COL27A1: variants seen among roughly 807,000 people sequenced by gnomAD.
COL27A1 encodes the protein collagen alpha-1(XXVII) chain.
COL27A1 carries 106 observed loss-of-function variants against 251.3 expected under a neutral mutation model. The ratio of observed to expected loss-of-function variants is 0.42; its 90% CI spans 0.36 to 0.50. The LOEUF is 0.50. COL27A1 is among the 20% of genes least tolerant of loss of function. COL27A1 has a pLI of 0.00. For missense variants in COL27A1, 2,325 were observed against 2,522.8 expected (o/e 0.92, Z 1.68); for synonymous variants, 1,000 against 986.3 (o/e 1.01, Z -0.26).
At chr9:114,264,289 C>T in intron 28 of COL27A1, 66 bp from the exon 29 acceptor site, 1 of 1,336,834 alleles carries the variant, frequency 7.5e-7, no homozygotes, top group Non-Finnish European at 1.0e-6. Flanking sequence ...CAGCCCCGCC[C>T]TCCTGGTTCT....
At chr9:114,163,870 G>A (rs572450548) in intron 2 of COL27A1, among the ~76,000 whole-genome samples, 3 of 148,240 alleles carry the variant, frequency 2.0e-5, no homozygotes, top group African/African-American at 7.3e-5. Context: ...GGGGCGGGGG[G>A]AGAGGCTGGA....
rs141097383 is a variant in COL27A1, at chr9:114,280,356, C to A, written c.3718-1921C>A. Reference sequence around the variant, plus strand: ...GTAGCTGGATTACAGGCGTGCACTACCATACCTGGCTAATTTTTGTATTTT... The same window carrying A: ...GTAGCTGGATTACAGGCGTGCACTAACATACCTGGCTAATTTTTGTATTTT... On this transcript the variant is annotated intron_variant, in intron 37 of 60. Transcript: ENST00000356083. Among the ~76,000 whole-genome samples the A allele has an allele frequency of 7.0e-3, 1,058 of 152,184 alleles. 18 individuals are homozygous for A. Among genetic ancestry groups the A allele is most frequent in the African/African-American group, 0.025 (1,022 of 41,512 alleles).
intron 49 of COL27A1, among the ~76,000 whole-genome samples, chr9:114,297,565 A>G (rs1377701170): frequency 6.6e-6 from 1 of 152,358 alleles, no homozygotes; most frequent in South Asian, 2.1e-4. Flanking sequence ...TAATAAAATA[A>G]AGGACAAACA....
At chr9:114,205,582 G>C (rs542348407) in intron 8 of COL27A1, among the ~76,000 whole-genome samples, 177 bp from the exon 9 acceptor site, 1 of 152,322 alleles carries the variant, frequency 6.6e-6, no homozygotes, top group South Asian at 2.1e-4. Context: ...GTCCCTCAGA[G>C]CTGGTCTGAC....
Position 114,167,953 on chromosome 9 carries a change from G to A in COL27A1, c.398G>A (p.Gly133Asp). ...KLQLGLQFLP[G>D]KTVVHLGSRR... ...CAGCTGGGCCTGCAGTTCCTCCCCG[G>A]CAAGACGGTCGTCCACCTCGGGTCC... Residue 133 changes from glycine to aspartate, a missense_variant, in exon 3 of 61, where the codon GGC (glycine) becomes GAC (aspartate). Physicochemically the swap from Gly to Asp is moderately conservative, Grantham distance 94 (BLOSUM62 -1). Coordinates refer to ENST00000356083, the MANE Select transcript of COL27A1 (RefSeq NM_032888.4). 1 of 1,608,566 alleles carries A rather than the reference G, an allele frequency of 6.2e-7. No homozygotes were observed. The highest frequency in any genetic ancestry group is 8.5e-7 in the Non-Finnish European group (1 of 1,179,856).
At chr9:114,218,032 AG>A (rs2135373896) in intron 12 of COL27A1, 2 of 355,158 alleles carry the variant, frequency 5.6e-6, no homozygotes, top group Non-Finnish European at 1.1e-5. Flanking sequence ...CAGGATCACT[AG>A]GAGGCAGAGG....
chr9:114,306,792 C>T, intron 58 of COL27A1, 104 bp downstream of exon 58: 1 of 1,267,250 alleles, frequency 7.9e-7, no homozygotes, highest in Non-Finnish European at 1.1e-6. Context: ...TTGTCCTCAG[C>T]AAGACAGATA....
At position 114,310,855 on chromosome 9, in the gene COL27A1, G is replaced by A. The variant is rs118173982; in HGVS notation, c.*160G>A. On this transcript the variant is annotated 3_prime_UTR_variant, in exon 61 of 61. Coordinates refer to ENST00000356083, the MANE Select transcript of COL27A1 (RefSeq NM_032888.4). ...GTCTGCCCAGTAGAAGTGGGTGGGGGTAGGAGGGGATAGGGTGTCCTTGGG... is the reference window on the plus strand; with the variant it reads ...GTCTGCCCAGTAGAAGTGGGTGGGGATAGGAGGGGATAGGGTGTCCTTGGG... 0.014 allele frequency: 9,410 copies of A among 661,282 alleles called. 274 individuals carry two copies. Among genetic ancestry groups the A allele is most frequent in the Admixed American group, 0.11 (3,669 of 33,790 alleles). 41.0% of individuals were successfully genotyped at this position (661,282 alleles called of 1,614,324 possible).
chr9:114,282,790 TCCTG>T (rs1205802623), intron 39 of COL27A1, among the ~76,000 whole-genome samples: 1 of 152,198 alleles, frequency 6.6e-6, no homozygotes, highest in Non-Finnish European at 1.5e-5. Context: ...ACAGAATACT[TCCTG>T]CAATTTGAAG....
intron 51 of COL27A1, among the ~76,000 whole-genome samples, 183 bp from the exon 52 acceptor site, chr9:114,300,889 G>A (rs973245760): frequency 2.6e-5 from 4 of 151,854 alleles, no homozygotes; most frequent in South Asian, 2.1e-4. Flanking sequence ...TGCCCCCATC[G>A]CCCCACTCTT....
chr9:114,274,480 A>G (rs1249721), intron 36 of COL27A1, among the ~76,000 whole-genome samples: 117,835 of 152,180 alleles, frequency 0.77, 46,382 homozygotes, highest in African/African-American at 0.92. Context: ...GACCAGCCTT[A>G]GAAAGCTTTT....
At chr9:114,219,917 C>A in intron 13 of COL27A1, 73 bp downstream of exon 13, 1 of 1,166,786 alleles carries the variant, frequency 8.6e-7, no homozygotes, top group Non-Finnish European at 1.3e-6. Context: ...GGAGCCCACG[C>A]TTTAGGGTCA....
intron 58 of COL27A1, chr9:114,307,375 G>A (rs1010213051): frequency 1.0e-4 from 34 of 338,850 alleles, no homozygotes; most frequent in Admixed American, 9.3e-4. Context: ...TTGTGCAAGT[G>A]ACCCAGCCTC....
chr9:114,238,935 C>T (rs7859297), intron 19 of COL27A1, among the ~76,000 whole-genome samples: 7,538 of 152,272 alleles, frequency 0.05, 605 homozygotes, highest in African/African-American at 0.17. Context: ...GTGGCTTCCT[C>T]AGGGTTGCTC....
intron 28 of COL27A1, among the ~76,000 whole-genome samples, chr9:114,261,367 G>A (rs1160795109): frequency 6.6e-6 from 1 of 152,364 alleles, no homozygotes; most frequent in African/African-American, 2.4e-5. Flanking sequence ...TCCAGCAGGC[G>A]GGGCGGGGGT....
chr9:114,282,218 C>A (rs1364411047), intron 37 of COL27A1, 59 bp from the exon 38 acceptor site: 10 of 1,516,608 alleles, frequency 6.6e-6, no homozygotes, highest in Non-Finnish European at 7.3e-6. Context: ...CTTGCGGATC[C>A]GCCTCAGTTT....
At chr9:114,250,038 G>C (rs1015676510) in intron 24 of COL27A1, among the ~76,000 whole-genome samples, 1 of 152,226 alleles carries the variant, frequency 6.6e-6, no homozygotes, top group African/African-American at 2.4e-5. Context: ...GGAACCCAGA[G>C]GCAAGTTGTC....
intron 13 of COL27A1, among the ~76,000 whole-genome samples, chr9:114,221,356 T>G (rs940402265): frequency 6.6e-6 from 1 of 152,156 alleles, no homozygotes; most frequent in Non-Finnish European, 1.5e-5. Flanking sequence ...GATTAACTAT[T>G]AGCGATATGC....
At chr9:114,288,885 C>T (rs1564574435) in intron 43 of COL27A1, 29 bp from the exon 44 acceptor site, 3 of 1,613,456 alleles carry the variant, frequency 1.9e-6, no homozygotes, top group Non-Finnish European at 2.5e-6. Context: ...AGGATGGGCC[C>T]CCCTCACCTG....
Sources: gnomAD v4.1 joint callset for allele counts (sites outside exome capture counted in the v4.1 genomes callset) on GRCh38, gnomAD v4.1.1 for gene constraint, MANE v1.5 for transcripts, NCBI Gene and HGNC (gene_info 2026-07-23, HGNC 2026-07-21) for gene names.